Variants in SEMA6D observed in about 807,000 individuals in gnomAD.
SEMA6D encodes semaphorin 6D.
Under a neutral mutation model 106.6 loss-of-function variants are expected in SEMA6D, and 35 were observed. The observed-to-expected ratio is 0.33, with a 90% CI of 0.25 to 0.44. The LOEUF (loss-of-function observed/expected upper bound fraction) is 0.44, where lower values mean the gene tolerates loss of function less well. Among genes scored for constraint, SEMA6D ranks in the 20% least tolerant of loss-of-function variants. SEMA6D has a pLI of 1.00. For synonymous variants in SEMA6D, 499 were observed against 487.7 expected, an observed-to-expected ratio of 1.02 and a Z score of -0.31; for missense variants, 1,185 against 1,345.9, an observed-to-expected ratio of 0.88 and a Z score of 1.87.
At chr15:47,341,247 A>G (rs946629997) in intron 1 of SEMA6D, among the ~76,000 whole-genome samples, 1 of 151,836 alleles carries the variant, frequency 6.6e-6, no homozygotes, top group African/African-American at 2.4e-5. Context: ...AAAATTAAGC[A>G]GGTGTGGTGG....
At chr15:47,587,426 A>G (rs1670301057) in intron 3 of SEMA6D, among the ~76,000 whole-genome samples, 1 of 152,204 alleles carries the variant, frequency 6.6e-6, no homozygotes, top group Admixed American at 6.5e-5. Context: ...GAAAATAAAG[A>G]AGCCCTAAAT....
At chr15:47,285,146 G>A (rs186380255) in intron 1 of SEMA6D, among the ~76,000 whole-genome samples, 1 of 152,304 alleles carries the variant, frequency 6.6e-6, no homozygotes, top group Admixed American at 6.5e-5. Context: ...TACAGAGAAT[G>A]CTTTGCAGGT....
chr15:47,733,550 G>A (rs577498297), intron 1 of SEMA6D, among the ~76,000 whole-genome samples: 1 of 152,064 alleles, frequency 6.6e-6, no homozygotes, highest in South Asian at 2.1e-4. Flanking sequence ...CCCTTGCTTC[G>A]CTACTCTCTC....
At chr15:47,235,551 C>T (rs532735169) in intron 1 of SEMA6D, among the ~76,000 whole-genome samples, 78 of 152,122 alleles carry the variant, frequency 5.1e-4, no homozygotes, top group African/African-American at 1.5e-3. Context: ...ATTCAATTTT[C>T]CCAGCATTGT....
At position 47,771,858 on chromosome 15, in the gene SEMA6D, T is replaced by G; in HGVS notation, c.*73T>G. On this transcript the variant is annotated 3_prime_UTR_variant, in exon 19 of 19. Transcript: ENST00000536845. ...GAGAGGATGATGTTGTAAGGGTACC[T>G]TAAAACAAGAGACTCGCTTGTATTT... is the stretch of plus-strand genomic sequence containing the variant. 1 of 1,421,170 alleles carries G rather than the reference T, an allele frequency of 7.0e-7. No homozygotes were observed. The highest frequency in any genetic ancestry group is 2.3e-5 in the East Asian group (1 of 43,570). 88.0% of individuals were successfully genotyped at this position (1,421,170 alleles called of 1,614,324 possible).
intron 2 of SEMA6D, among the ~76,000 whole-genome samples, chr15:47,445,375 A>C (rs776924982): frequency 1.3e-5 from 2 of 152,070 alleles, no homozygotes; most frequent in African/African-American, 4.8e-5. Flanking sequence ...TAATGTTATC[A>C]TTATATTATG....
At chr15:47,261,622 C>A (rs931370945) in intron 1 of SEMA6D, among the ~76,000 whole-genome samples, 1 of 152,084 alleles carries the variant, frequency 6.6e-6, no homozygotes, top group East Asian at 1.9e-4. Context: ...AAAACATTTT[C>A]ATCACCTCCT....
intron 1 of SEMA6D, among the ~76,000 whole-genome samples, chr15:47,382,964 C>A (rs112366384): frequency 6.6e-6 from 1 of 152,162 alleles, no homozygotes; most frequent in African/African-American, 2.4e-5. Context: ...ACAGGTTTCA[C>A]CATGTTGGCC....
intron 4 of SEMA6D, among the ~76,000 whole-genome samples, chr15:47,653,059 C>T (rs2077723617): frequency 6.6e-6 from 1 of 152,194 alleles, no homozygotes; most frequent in Admixed American, 6.5e-5. Flanking sequence ...TTATCACTCC[C>T]AGTTCTCCTT....
intron 1 of SEMA6D, among the ~76,000 whole-genome samples, chr15:47,387,038 G>GTA (rs1046030793): frequency 6.6e-6 from 1 of 151,902 alleles, no homozygotes; most frequent in African/African-American, 2.4e-5. Context: ...CCTGCTGCGT[G>GTA]TGGCTCCATC....
chr15:47,279,996 G>T (rs1398069242), intron 1 of SEMA6D, among the ~76,000 whole-genome samples: 2 of 150,518 alleles, frequency 1.3e-5, no homozygotes, highest in Admixed American at 1.3e-4. Context: ...CTCTTTTTTG[G>T]TTGTGTCTCT....
Position 47,763,127 on chromosome 15 carries a change from A to C in SEMA6D, c.747+23A>C, listed in dbSNP as rs375353104. On this transcript the variant is annotated intron_variant, in intron 9 of 18. Transcript: ENST00000536845. ...AAGGCAAGTATATGCATTTGGCTTGAATTGTGGACTTGTACTGCATGAAAT... is the reference window on the plus strand; with the variant it reads ...AAGGCAAGTATATGCATTTGGCTTGCATTGTGGACTTGTACTGCATGAAAT... 29 of 1,567,700 alleles carry C rather than the reference A, an allele frequency of 1.8e-5. No individual in the cohort carries two copies. In the African/African-American group the frequency reaches 3.9e-4, roughly 21 times the overall value.
intron 3 of SEMA6D, among the ~76,000 whole-genome samples, chr15:47,496,151 G>A (rs1300637637): frequency 1.3e-5 from 2 of 151,922 alleles, no homozygotes; most frequent in South Asian, 2.1e-4. Flanking sequence ...GAACACTGGA[G>A]CTAATTTATA....
chr15:47,291,769 GTT>G (rs1189949842), intron 1 of SEMA6D, among the ~76,000 whole-genome samples: 2 of 152,144 alleles, frequency 1.3e-5, no homozygotes, highest in African/African-American at 2.4e-5. Context: ...TCATCATAAT[GTT>G]TTGATAATAC....
chr15:47,265,961 C>G (rs1051352902), intron 1 of SEMA6D, among the ~76,000 whole-genome samples: 1 of 152,116 alleles, frequency 6.6e-6, no homozygotes, highest in Non-Finnish European at 1.5e-5. Flanking sequence ...CACGCTTAGT[C>G]TTGAAGCTCC....
chr15:47,358,303 T>G (rs2038669641), intron 1 of SEMA6D, among the ~76,000 whole-genome samples: 1 of 152,160 alleles, frequency 6.6e-6, no homozygotes, highest in African/African-American at 2.4e-5. Flanking sequence ...ATGGATGTCA[T>G]GATAACTACC....
chr15:47,246,645 C>T (rs1424779606), intron 1 of SEMA6D, among the ~76,000 whole-genome samples: 2 of 152,164 alleles, frequency 1.3e-5, no homozygotes, highest in Admixed American at 1.3e-4. Flanking sequence ...CCCATCATTG[C>T]GTCTCTTTCT....
intron 2 of SEMA6D, among the ~76,000 whole-genome samples, chr15:47,414,062 T>A (rs1260222167): frequency 6.6e-6 from 1 of 152,196 alleles, no homozygotes; most frequent in African/African-American, 2.4e-5. Flanking sequence ...TCAAAATCTA[T>A]TTATGGAACA....
chr15:47,204,168 C>A (rs762370651), intron 1 of SEMA6D, among the ~76,000 whole-genome samples: 1 of 152,136 alleles, frequency 6.6e-6, no homozygotes, highest in Non-Finnish European at 1.5e-5. Context: ...GGCTACAGTT[C>A]AATGACCATC....
Sources: allele counts gnomAD v4.1 joint callset (sites outside exome capture counted in the v4.1 genomes callset), GRCh38; gene constraint gnomAD v4.1.1; transcripts MANE v1.5; gene names NCBI Gene and HGNC (gene_info 2026-07-23, HGNC 2026-07-21).